The following MMS19 variants were observed in gnomAD, a reference collection of about 807,000 sequenced individuals.
The protein encoded by MMS19 is MMS19 nucleotide excision repair protein homolog.
In MMS19, 77 loss-of-function variants were observed where a neutral mutation model predicts 129.8. The observed-to-expected ratio is 0.59, with a 90% CI of 0.49 to 0.72. The LOEUF is 0.72. Among genes scored for constraint, MMS19 ranks in the 30% least tolerant of loss-of-function variants. The pLI is 0.00. For synonymous variants in MMS19, 491 were observed against 502.8 expected (o/e 0.98, Z 0.31); for missense variants, 1,168 against 1,266.3 (o/e 0.92, Z 1.18).
chr10:97,468,405 G>T lies in MMS19; in HGVS notation c.1065C>A (p.Asp355Glu), dbSNP rs150845089. ...LDSFLSNILQ[D>E]CRHHLCEPDM... is the part of the protein sequence containing the mutation. ...CCGGTTCACACAGGTGGTGCCTGCAGTCTAGAGAAGCAGCACATCACAGAG... is the reference window on the plus strand; with the variant it reads ...CCGGTTCACACAGGTGGTGCCTGCATTCTAGAGAAGCAGCACATCACAGAG... Residue 355 changes from aspartate (D) to glutamate (E), a missense_variant and splice_region_variant, in exon 13 of 31, where the codon GAC (aspartate) becomes GAA (glutamate). Asp to Glu is a conservative substitution (Grantham distance 45). Around this residue, in one of 3 missense-constraint regions of MMS19, gnomAD observed 831 missense variants for 910.8 expected, o/e 0.91. Transcript: ENST00000438925. The T allele has an allele frequency of 1.2e-4, 198 of 1,601,382 alleles. No individual in the cohort carries two copies. The highest frequency in any genetic ancestry group is 1.6e-4 in the Non-Finnish European group (187 of 1,171,504).
At chr10:97,459,317 C>G (rs2030958019) in intron 28 of MMS19, 35 bp from the exon 29 acceptor site, 2 of 1,612,174 alleles carry the variant, frequency 1.2e-6, no homozygotes, top group African/African-American at 2.7e-5. Context: ...AGAGCATGCC[C>G]AGGGAGAGAT....
chr10:97,480,152 C>T (rs141670675), intron 3 of MMS19: 9 of 373,506 alleles, frequency 2.4e-5, no homozygotes, highest in African/African-American at 8.6e-5. Context: ...GCTTTTTTGC[C>T]GGCTATGTGA....
At chr10:97,498,758 C>A, upstream of MMS19, 1 of 287,306 alleles carries the variant, frequency 3.5e-6, no homozygotes, top group South Asian at 5.6e-5. Flanking sequence ...CGGTCACATG[C>A]GCACCTGGGG....
At chr10:97,484,072 GAGA>G (rs1184151431) in intron 2 of MMS19, 28 bp downstream of exon 2, 21 of 1,444,754 alleles carry the variant, frequency 1.5e-5, no homozygotes, top group African/African-American at 8.5e-5. Context: ...GTCAGGGTTG[GAGA>G]AGAACATTCT....
At chr10:97,480,827 A>C (rs917263987) in intron 3 of MMS19, 115 bp downstream of exon 3, 3 of 720,598 alleles carry the variant, frequency 4.2e-6, no homozygotes, top group African/African-American at 3.5e-5. Flanking sequence ...ACCTTGAATT[A>C]GTAGTTCATA....
At chr10:97,487,843 A>C (rs573923766) in intron 1 of MMS19, among the ~76,000 whole-genome samples, 1 of 152,204 alleles carries the variant, frequency 6.6e-6, no homozygotes, top group African/African-American at 2.4e-5. Context: ...CAGGCTGGGC[A>C]CAGTGGCTCA....
Position 97,458,864 on chromosome 10 carries a change from C to T in MMS19, c.3001G>A (p.Ala1001Thr). 6.2e-7 allele frequency: 1 copy of T among 1,614,016 alleles called. No individual in the cohort carries two copies. The highest frequency in any genetic ancestry group is 8.5e-7 in the Non-Finnish European group (1 of 1,179,896). ...CTCTTCTTGTCATCCAGGGGTTTGG[C>T]TAAGGCCCGAATCACCTGTGGTTTG... Reference protein sequence around the residue: ...PYKPQVIRALAKPLDDKKRLV... With the variant: ...PYKPQVIRALTKPLDDKKRLV... The change falls in exon 30 of 31, where the codon GCC becomes ACC. Residue 1001 changes from alanine (A) to threonine (T), a missense_variant. Transcript: ENST00000438925.
chr10:97,468,458 C>T, intron 12 of MMS19, 52 bp from the exon 13 acceptor site: 1 of 1,524,326 alleles, frequency 6.6e-7, no homozygotes, highest in Non-Finnish European at 8.9e-7. Flanking sequence ...TGGTGCCTGA[C>T]TCCCCTACAG....
chr10:97,461,264 G>A lies in MMS19; in HGVS notation c.2311+232C>T, dbSNP rs987512509. 4.9e-5 allele frequency: 30 copies of A among 616,798 alleles called. No homozygotes were observed. In the African/African-American group the frequency reaches 5.2e-4, roughly 11 times the overall value. The allele number at this position is 616,798 out of a possible 1,614,324, so 38.2% of individuals were successfully genotyped here. On this transcript the variant is annotated intron_variant, in intron 23 of 30. Transcript: ENST00000438925. ...CACACTAGCCCCACTGTAGGGAGTAGGACGGCAGAACTAGACTCTTTGTGC... is the reference window on the plus strand; with the variant it reads ...CACACTAGCCCCACTGTAGGGAGTAAGACGGCAGAACTAGACTCTTTGTGC...
intron 18 of MMS19, 43 bp from the exon 19 acceptor site, chr10:97,464,056 A>T (rs1489331026): frequency 1.9e-6 from 3 of 1,573,250 alleles, no homozygotes; most frequent in Admixed American, 1.8e-5. Flanking sequence ...GCTTAAAAGC[A>T]CTTTCAGGTG....
At position 97,473,801 on chromosome 10, in the gene MMS19, C is replaced by T. The variant is rs29001298; in HGVS notation, c.684+2882G>A. On this transcript the variant is annotated intron_variant, in intron 8 of 30. Coordinates refer to ENST00000438925, the MANE Select transcript of MMS19 (RefSeq NM_022362.5). ...TAAGGCTGTTTTTGTGCAGTAACAG[C>T]AGAGTTGAGGAGACCATATGACCCA... Among the ~76,000 whole-genome samples the T allele has an allele frequency of 5.4e-3, 829 of 152,120 alleles. 3 individuals are homozygous for T. The highest frequency in any genetic ancestry group is 0.016 in the African/African-American group (652 of 41,500).
intron 2 of MMS19, among the ~76,000 whole-genome samples, chr10:97,483,836 T>C (rs571179525): frequency 5.3e-5 from 8 of 152,310 alleles, no homozygotes; most frequent in African/African-American, 1.7e-4. Context: ...ACGTACCTCA[T>C]CCCAAAGCCA....
At chr10:97,495,304 GTTATTTCCCTCCCATCGCCTGCAGC>G (rs969314247) in intron 1 of MMS19, among the ~76,000 whole-genome samples, 1 of 152,202 alleles carries the variant, frequency 6.6e-6, no homozygotes, top group African/African-American at 2.4e-5. Context: ...AGGCTGCCAG[GTTATTTCCCTCCCATCGCCTGCAGC>G]TTCTTTACAG....
At position 97,460,920 on chromosome 10, in the gene MMS19, G is replaced by A; in HGVS notation, c.2399C>T (p.Thr800Ile). The change falls in exon 24 of 31, where the codon ACT becomes ATT. Residue 800 changes from threonine to isoleucine, a missense_variant. Coordinates refer to ENST00000438925, the MANE Select transcript of MMS19 (RefSeq NM_022362.5). Reference sequence around the variant, plus strand: ...CCAACTCCTTACCCAGAGAAGAAGAGTGAAGGCCTGACTACGACAGGGCCC... The same window carrying A: ...CCAACTCCTTACCCAGAGAAGAAGAATGAAGGCCTGACTACGACAGGGCCC... ...GSGPCRSQAFTLLLWVTKALV... is the reference protein window; with the variant it reads ...GSGPCRSQAFILLLWVTKALV... The A allele has an allele frequency of 6.3e-7, 1 of 1,580,128 alleles. No individual in the cohort carries two copies. The highest frequency in any genetic ancestry group is 8.6e-7 in the Non-Finnish European group (1 of 1,162,144).
intron 15 of MMS19, 22 bp from the exon 16 acceptor site, chr10:97,466,607 A>G: frequency 6.2e-7 from 1 of 1,600,920 alleles, no homozygotes; most frequent in South Asian, 1.1e-5. Context: ...AGGGAACATG[A>G]ATCTCATCTT....
intron 1 of MMS19, 42 bp downstream of exon 1, chr10:97,498,231 G>A (rs1282550261): frequency 3.3e-6 from 5 of 1,516,872 alleles, no homozygotes; most frequent in Non-Finnish European, 4.4e-6. Context: ...GCTCCCTCCT[G>A]TTGGCCCCCA....
At chr10:97,469,125 G>A in intron 11 of MMS19, 21 bp from the exon 12 acceptor site, 1 of 1,559,416 alleles carries the variant, frequency 6.4e-7, no homozygotes, top group Non-Finnish European at 8.6e-7. Context: ...GGGATCCCAT[G>A]GCTACTGAGG....
intron 6 of MMS19, 169 bp from the exon 7 acceptor site, chr10:97,477,132 C>T: frequency 2.7e-6 from 4 of 1,488,184 alleles, no homozygotes; most frequent in Non-Finnish European, 3.6e-6. Context: ...ACAATATACA[C>T]ATTGCTGTGG....
Position 97,476,860 on chromosome 10 carries a change from G to T in MMS19, c.597C>A (p.Asp199Glu). The change falls in exon 7 of 31, where the codon GAC becomes GAA. Residue 199 changes from aspartate to glutamate, a missense_variant. This residue lies in a region of MMS19 where 329 missense variants were observed against 328.6 expected (regional missense o/e 1.00). Transcript: ENST00000438925. ...NLLVAFRIVHDLISRDYSLGP... is the reference protein window; with the variant it reads ...NLLVAFRIVHELISRDYSLGP... ...CCAGGCTATAGTCCCTGGAGATGAG[G>T]TCATGGACGATGCGGAAGGCCACCA... 1 of 1,613,978 alleles carries T rather than the reference G, an allele frequency of 6.2e-7. No individual in the cohort carries two copies. The highest frequency in any genetic ancestry group is 8.5e-7 in the Non-Finnish European group (1 of 1,179,882).
Sources: gnomAD v4.1 joint callset for allele counts (sites outside exome capture counted in the v4.1 genomes callset) on GRCh38, gnomAD v4.1.1 for gene constraint, gnomAD v4.1.1 regional missense constraint, MANE v1.5 for transcripts, NCBI Gene and HGNC (gene_info 2026-07-23, HGNC 2026-07-21) for gene names.